GPT: variants seen among roughly 807,000 people sequenced by gnomAD.
GPT encodes the protein glutamic--pyruvic transaminase.
GPT carries 60 observed loss-of-function variants against 51.4 expected under a neutral mutation model. The observed-to-expected ratio is 1.17, with a 90% CI of 0.95 to 1.45. The LOEUF (loss-of-function observed/expected upper bound fraction) is 1.45. Among genes scored for constraint, GPT ranks in the 40% most tolerant of loss-of-function variants. GPT has a pLI of 0.00. For missense variants in GPT, 853 were observed against 704.0 expected (o/e 1.21, Z -2.40); for synonymous variants, 397 against 303.1 (o/e 1.31, Z -3.22).
Position 144,506,320 on chromosome 8 carries a change from T to G in GPT, c.1045T>G (p.Cys349Gly). 6.4e-7 allele frequency: 1 copy of G among 1,558,714 alleles called. No individual in the cohort carries two copies. The highest frequency in any genetic ancestry group is 8.7e-7 in the Non-Finnish European group (1 of 1,155,118). Residue 349 changes from cysteine (C) to glycine (G), a missense_variant, in exon 8 of 11, where the codon TGC (cysteine) becomes GGC (glycine). Coordinates refer to ENST00000394955, the MANE Select transcript of GPT (RefSeq NM_005309.3). This position sits in a 1 kb window ranked among gnomAD's most constrained non-coding sequence, Gnocchi z 7.0. ...GCTGAAGCTGATGAGTGTGCGGCTG[T>G]GCCCGCCGGTGCCAGGACAGGCCCT... is the stretch of plus-strand genomic sequence containing the variant. Reference protein sequence around the residue: ...QMLKLMSVRLCPPVPGQALLD... With the variant: ...QMLKLMSVRLGPPVPGQALLD...
upstream of GPT, chr8:144,503,966 C>A (rs1417123052): frequency 2.4e-6 from 1 of 417,944 alleles, no homozygotes; most frequent in Admixed American, 3.6e-5. Flanking sequence ...ACCTACCCCC[C>A]ATGTGGGTCT....
At position 144,506,368 on chromosome 8, in the gene GPT, C is replaced by A; in HGVS notation, c.1093C>A (p.Pro365Thr). 1 of 1,561,512 alleles carries A rather than the reference C, an allele frequency of 6.4e-7. No homozygotes were observed. Among genetic ancestry groups the A allele is most frequent in the Non-Finnish European group, 8.6e-7 (1 of 1,157,214 alleles). ...CCTGCTGGACCTGGTGGTCAGCCCG[C>A]CCGCGCCCACCGACCCCTCCTTTGC... ...QALLDLVVSP[P>T]APTDPSFAQF... The change falls in exon 8 of 11, where the codon CCC becomes ACC. Residue 365 changes from proline to threonine, a missense_variant. By Grantham distance (38) the Pro-to-Thr change is conservative. Transcript: ENST00000394955. This position sits in a 1 kb window ranked among gnomAD's most constrained non-coding sequence, Gnocchi z 7.0.
rs1826736832 is a variant in GPT, at chr8:144,505,273, GA to G, written c.524del (p.Glu175GlyfsTer84). On this transcript the variant is annotated frameshift_variant, in exon 5 of 11. Transcript: ENST00000394955. LOFTEE classifies it high-confidence loss of function. ...VTVLKLLVAG[E>X]GHTRTGVLIP... ...GGTGCTGAAGCTGCTGGTGGCCGGC[GA>G]GGGCCACACACGCACGGGTGTGCTC... is the stretch of plus-strand genomic sequence containing the variant. 6.3e-7 allele frequency: 1 copy of G among 1,592,854 alleles called. No individual in the cohort carries two copies.
rs753281271 is a variant in GPT, at chr8:144,504,674, C to T, written c.233C>T (p.Pro78Leu). 2 of 1,613,312 alleles carry T rather than the reference C, an allele frequency of 1.2e-6. No individual in the cohort carries two copies. Among genetic ancestry groups the T allele is most frequent in the South Asian group, 1.1e-5 (1 of 91,090 alleles). The change falls in exon 2 of 11, where the codon CCC becomes CTC. Residue 78 changes from proline (P) to leucine (L), a missense_variant. By Grantham distance (98) the Pro-to-Leu change is moderately conservative. Coordinates refer to ENST00000394955, the MANE Select transcript of GPT (RefSeq NM_005309.3). ...IGDAQAMGQR[P>L]ITFLRQVLAL... ...GACGCACAGGCTATGGGGCAGAGGCCCATCACCTTCCTGCGCCAGGTGAGG... is the reference window on the plus strand; with the variant it reads ...GACGCACAGGCTATGGGGCAGAGGCTCATCACCTTCCTGCGCCAGGTGAGG...
rs1358575854 is a variant in GPT, at chr8:144,505,863, G to A, written c.755G>A (p.Arg252His). 2 of 1,554,352 alleles carry A rather than the reference G, an allele frequency of 1.3e-6. No homozygotes were observed. The highest frequency in any genetic ancestry group is 1.4e-5 in the African/African-American group (1 of 73,324). The change falls in exon 6 of 11, where the codon CGC becomes CAC. Residue 252 changes from arginine to histidine, a missense_variant. By Grantham distance (29) the Arg-to-His change is conservative. Transcript: ENST00000394955. ...GGCACCCCAGGGCAGGTGCAGACCC[G>A]CGAGTGCATCGAGGCCGTGATCCGC... ...PGNPTGQVQT[R>H]ECIEAVIRFA...
At position 144,504,242 on chromosome 8, in the gene GPT, G is replaced by A. The variant is rs145551173; in HGVS notation, c.-63G>A. On this transcript the variant is annotated 5_prime_UTR_variant, in exon 1 of 11. Transcript: ENST00000394955. ...GCCCACTAAGCCAGACCCAGCTGTC[G>A]CCATTCCCACTTCTGGTCCTGCCAC... The A allele has an allele frequency of 8.9e-6, 14 of 1,565,350 alleles. No homozygotes were observed. The East Asian group carries it at 9.1e-5, about 10-fold the overall frequency.
In GPT at chr8:144,505,041, C is replaced by T. The variant is rs775371734; in HGVS notation, c.405C>T (p.Asp135=). 36 of 1,613,028 alleles carry T rather than the reference C, an allele frequency of 2.2e-5. No homozygotes were observed. In the South Asian group the frequency reaches 2.3e-4, roughly 10 times the overall value. ...CCGGCATCCAGCTGATCCGGGAGGA[C>T]GTGGCGCGGTACATTGAGAGGCGTG... ...VSSGIQLIRE[D]VARYIERRDG... is the part of the protein sequence containing the mutation. Residue 135 remains aspartate, a synonymous_variant, in exon 4 of 11, where the codon GAC becomes GAT. Transcript: ENST00000394955.
rs1239088400 is a variant in GPT, at chr8:144,506,332, C to T, written c.1057C>T (p.Pro353Ser). 1.9e-6 allele frequency: 3 copies of T among 1,580,862 alleles called. No homozygotes were observed. The highest frequency in any genetic ancestry group is 2.6e-6 in the Non-Finnish European group (3 of 1,167,298). The change falls in exon 8 of 11, where the codon CCA becomes TCA. Residue 353 changes from proline (P) to serine (S), a missense_variant. Pro to Ser is a moderately conservative substitution (Grantham distance 74). Transcript: ENST00000394955. This position sits in a 1 kb window ranked among gnomAD's most constrained non-coding sequence, Gnocchi z 7.0. ...GAGTGTGCGGCTGTGCCCGCCGGTG[C>T]CAGGACAGGCCCTGCTGGACCTGGT... ...LMSVRLCPPVPGQALLDLVVS... is the reference protein window; with the variant it reads ...LMSVRLCPPVSGQALLDLVVS...
intron 4 of GPT, 54 bp downstream of exon 4, chr8:144,505,185 G>A: frequency 3.1e-6 from 5 of 1,612,662 alleles, no homozygotes; most frequent in Non-Finnish European, 2.5e-6. Flanking sequence ...GGGGCGCCCA[G>A]GGTGGGGGAC....
Position 144,507,163 on chromosome 8 carries a change from T to C in GPT, c.*163T>C. ...GGTCCCTAATAAAGCTGTGTGGCAGTCTGACTCCAGGGAGGAAGCGTTGGC... is the reference window on the plus strand; with the variant it reads ...GGTCCCTAATAAAGCTGTGTGGCAGCCTGACTCCAGGGAGGAAGCGTTGGC... On this transcript the variant is annotated 3_prime_UTR_variant, in exon 11 of 11. Coordinates refer to ENST00000394955, the MANE Select transcript of GPT (RefSeq NM_005309.3). The C allele has an allele frequency of 1.5e-6, 1 of 668,164 alleles. No individual in the cohort carries two copies. Among genetic ancestry groups the C allele is most frequent in the East Asian group, 2.7e-5 (1 of 36,654 alleles). 41.4% of individuals were successfully genotyped at this position (668,164 alleles called of 1,614,324 possible).
At position 144,505,222 on chromosome 8, in the gene GPT, C is replaced by T. The variant is rs200304696; in HGVS notation, c.496-24C>T. On this transcript the variant is annotated intron_variant, in intron 4 of 10. Transcript: ENST00000394955. ...GGTGCGGCCCCAGGCCTCGCCAACCCTGCCTTCCCCTTCCTTTCCGCAGAC... is the reference window on the plus strand; with the variant it reads ...GGTGCGGCCCCAGGCCTCGCCAACCTTGCCTTCCCCTTCCTTTCCGCAGAC... 5.9e-5 allele frequency: 95 copies of T among 1,611,072 alleles called. No homozygotes were observed. In the East Asian group the frequency reaches 1.7e-3, roughly 28 times the overall value.
chr8:144,505,496 TC>T lies in GPT; in HGVS notation c.739+11del. 1 of 1,544,820 alleles carries T rather than the reference TC, an allele frequency of 6.5e-7. No homozygotes were observed. On this transcript the variant is annotated splice_region_variant and intron_variant, in intron 5 of 10. Coordinates refer to ENST00000394955, the MANE Select transcript of GPT (RefSeq NM_005309.3). The stretch of plus-strand genomic sequence containing the variant: ...AACCCTGGCAACCCCACCGGTGCGT[TC>T]CCCGCCGCCCCGCCCCACTCCCCCC...
intron 5 of GPT, 91 bp from the exon 6 acceptor site, chr8:144,505,757 G>A (rs1309500030): frequency 1.6e-6 from 2 of 1,248,116 alleles, no homozygotes; most frequent in African/African-American, 1.5e-5. Flanking sequence ...CCTGGCCCAG[G>A]CAGTGCCGGG....
rs758745322 is a variant in GPT at position 144,504,597 on chromosome 8, C to A, written c.163-7C>A. On this transcript the variant is annotated splice_polypyrimidine_tract_variant and splice_region_variant and intron_variant, in intron 1 of 10. Transcript: ENST00000394955. ...CAGTCTCCCTGCCTGCTCCCCTCCC[C>A]TCCCAGGGTGTGAAGAAGCCTTTCA... 6.2e-7 allele frequency: 1 copy of A among 1,612,830 alleles called. No individual in the cohort carries two copies. Among genetic ancestry groups the A allele is most frequent in the Non-Finnish European group, 8.5e-7 (1 of 1,179,818 alleles).
At position 144,506,674 on chromosome 8, in the gene GPT, C is replaced by G. The variant is rs1291897268; in HGVS notation, c.1287+18C>G. Reference sequence around the variant, plus strand: ...GCGCTCAGGTCAGGCGGGGGCGGGGCCTGCGGGGTGGGCAGGGGGGGCCGG... The same window carrying G: ...GCGCTCAGGTCAGGCGGGGGCGGGGGCTGCGGGGTGGGCAGGGGGGGCCGG... On this transcript the variant is annotated intron_variant, in intron 9 of 10. Coordinates refer to ENST00000394955, the MANE Select transcript of GPT (RefSeq NM_005309.3). This position sits in a 1 kb window ranked among gnomAD's most constrained non-coding sequence, Gnocchi z 7.0. The G allele has an allele frequency of 3.3e-6, 5 of 1,496,262 alleles. No homozygotes were observed. The African/African-American group carries it at 6.8e-5, about 20-fold the overall frequency. The allele number at this position is 1,496,262 out of a possible 1,614,324, so 92.7% of individuals were successfully genotyped here.
rs766797443 is a variant in GPT at position 144,504,757 on chromosome 8, C to T, written c.253-14C>T. 43 of 1,612,744 alleles carry T rather than the reference C, an allele frequency of 2.7e-5. No homozygotes were observed. The highest frequency in any genetic ancestry group is 3.6e-5 in the Non-Finnish European group (42 of 1,179,278). On this transcript the variant is annotated splice_polypyrimidine_tract_variant and intron_variant, in intron 2 of 10. Transcript: ENST00000394955. Reference sequence around the variant, plus strand: ...CAGCCCATGTGCCCTGGCCTCAGCACTCCGTCTTCCCAGGTCTTGGCCCTC... The same window carrying T: ...CAGCCCATGTGCCCTGGCCTCAGCATTCCGTCTTCCCAGGTCTTGGCCCTC...
Position 144,505,923 on chromosome 8 carries a change from A to G in GPT, c.815A>G (p.Asp272Gly). The G allele has an allele frequency of 1.2e-6, 2 of 1,608,172 alleles. No homozygotes were observed. The highest frequency in any genetic ancestry group is 1.1e-5 in the South Asian group (1 of 90,702). Residue 272 changes from aspartate (D) to glycine (G), a missense_variant, in exon 6 of 11, where the codon GAC becomes GGC. Physicochemically the swap from Asp to Gly is moderately conservative, Grantham distance 94 (BLOSUM62 -1). Transcript: ENST00000394955. ...AFEERLFLLA[D>G]EVYQDNVYAA... ...GAAGAGCGGCTCTTTCTGCTGGCGGACGAGGTGCGCGGCGCGGGGGAGCGG... is the reference window on the plus strand; with the variant it reads ...GAAGAGCGGCTCTTTCTGCTGGCGGGCGAGGTGCGCGGCGCGGGGGAGCGG...
upstream of GPT, chr8:144,503,949 C>T (rs761896549): frequency 6.2e-5 from 24 of 384,448 alleles, no homozygotes; most frequent in Middle Eastern, 8.4e-4. Context: ...TCCGGACTGA[C>T]GTCTGTACCT....
At chr8:144,504,114 C>T (rs1316487413), upstream of GPT, 5 of 656,070 alleles carry the variant, frequency 7.6e-6, no homozygotes, top group Non-Finnish European at 1.4e-5. Flanking sequence ...CTGTCCCCAG[C>T]TCCTTCAGCC....
Sources: allele counts gnomAD v4.1 joint callset, GRCh38; gene constraint gnomAD v4.1.1; non-coding constraint Gnocchi (gnomAD v3.1); transcripts MANE v1.5; gene names NCBI Gene and HGNC (gene_info 2026-07-23, HGNC 2026-07-21).